The following USP34 variants were observed in gnomAD, a reference collection of about 807,000 sequenced individuals.
USP34 encodes the protein ubiquitin carboxyl-terminal hydrolase 34.
Under a neutral mutation model 460.3 loss-of-function variants are expected in USP34, and 70 were observed. The observed-to-expected ratio is 0.15, with a 90% confidence interval of 0.13 to 0.19. The LOEUF is 0.19. USP34 is among the 10% of genes least tolerant of loss of function. The pLI is 1.00. For missense variants in USP34, 3,985 were observed against 4,236.2 expected (o/e 0.94, Z 1.65); for synonymous variants, 1,647 against 1,405.3 (o/e 1.17, Z -3.85).
intron 5 of USP34, among the ~76,000 whole-genome samples, chr2:61,387,960 T>C (rs9677759): frequency 0.49 from 65,502 of 134,778 alleles, 15,217 homozygotes; most frequent in South Asian, 0.67. Flanking sequence ...CACACACACA[T>C]ATATATATAT....
intron 27 of USP34, among the ~76,000 whole-genome samples, chr2:61,303,854 C>A (rs1295940679): frequency 1.3e-5 from 2 of 151,924 alleles, no homozygotes; most frequent in African/African-American, 4.8e-5. Flanking sequence ...CTCGGCCTCC[C>A]AAAGTGCTGG....
chr2:61,339,717 G>C, intron 16 of USP34, 36 bp from the exon 17 acceptor site: 1 of 1,163,676 alleles, frequency 8.6e-7, no homozygotes, highest in Non-Finnish European at 1.2e-6. Context: ...ACACTATAGA[G>C]AAATGCAGCT....
At chr2:61,291,727 A>AT (rs1689858085) in intron 33 of USP34, among the ~76,000 whole-genome samples, 1 of 152,188 alleles carries the variant, frequency 6.6e-6, no homozygotes, top group Non-Finnish European at 1.5e-5. Context: ...CCACTTAAGT[A>AT]TTGGCAAGGT....
chr2:61,251,249 C>T (rs1428456680), intron 48 of USP34, among the ~76,000 whole-genome samples: 1 of 152,174 alleles, frequency 6.6e-6, no homozygotes, highest in African/African-American at 2.4e-5. Context: ...AACAATTTTA[C>T]TAGTCTTGAT....
intron 36 of USP34, 54 bp downstream of exon 36, chr2:61,283,355 C>G: frequency 3.2e-6 from 5 of 1,562,588 alleles, no homozygotes; most frequent in Non-Finnish European, 4.3e-6. Flanking sequence ...TAAAATATAT[C>G]AATATATTAT....
In USP34 at chr2:61,187,476, C is replaced by A. The variant is rs762005879; in HGVS notation, c.*626G>T. 4.1e-6 allele frequency: 4 copies of A among 984,224 alleles called. No individual in the cohort carries two copies. Among genetic ancestry groups the A allele is most frequent in the Non-Finnish European group, 4.8e-6 (4 of 829,660 alleles). 61.0% of individuals were successfully genotyped at this position (984,224 alleles called of 1,614,324 possible). ...TATGTAAACAAATGAAAAGTCATCA[C>A]AATCAGTTTAATTAAGTGCACAGAA... On this transcript the variant is annotated 3_prime_UTR_variant, in exon 80 of 80. Transcript: ENST00000398571.
chr2:61,374,235 C>A (rs538063277), intron 8 of USP34, among the ~76,000 whole-genome samples: 1 of 151,916 alleles, frequency 6.6e-6, no homozygotes, highest in East Asian at 1.9e-4. Flanking sequence ...AACCCTTATG[C>A]CTAAACAAGT....
intron 74 of USP34, 107 bp downstream of exon 74, chr2:61,204,149 T>A: frequency 7.1e-7 from 1 of 1,412,482 alleles, no homozygotes; most frequent in Admixed American, 2.2e-5. Flanking sequence ...CTTCTTAGGA[T>A]CCACAAAATT....
chr2:61,389,262 G>C (rs1693268406), intron 5 of USP34, among the ~76,000 whole-genome samples: 3 of 152,178 alleles, frequency 2.0e-5, no homozygotes, highest in South Asian at 4.1e-4. Flanking sequence ...TTCTTGGTTT[G>C]AGTGATGGTT....
intron 2 of USP34, among the ~76,000 whole-genome samples, chr2:61,417,744 CTTTTTTTT>C (rs55680146): frequency 1.1e-5 from 1 of 87,942 alleles, no homozygotes; most frequent in South Asian, 3.7e-4. Flanking sequence ...TTTTTCTTTT[CTTTTTTTT>C]TTTTTTTTTA....
chr2:61,190,563 T>TA lies in USP34; in HGVS notation c.9683dup (p.Leu3228PhefsTer24). 6.2e-7 allele frequency: 1 copy of TA among 1,614,102 alleles called. No individual in the cohort carries two copies. On this transcript the variant is annotated frameshift_variant, in exon 77 of 80. Coordinates refer to ENST00000398571, the MANE Select transcript of USP34 (RefSeq NM_014709.4). LOFTEE classifies it high-confidence loss of function. ...TGAACGTGTAGACAATGTTGTTGTTTAAAAAAGTTCTTTCATCCATTAGGA... is the reference window on the plus strand; with the variant it reads ...TGAACGTGTAGACAATGTTGTTGTTTAAAAAAAGTTCTTTCATCCATTAGGA...
At chr2:61,328,706 C>T (rs1228364058) in intron 20 of USP34, among the ~76,000 whole-genome samples, 1 of 152,204 alleles carries the variant, frequency 6.6e-6, no homozygotes, top group Non-Finnish European at 1.5e-5. Context: ...CTTTGCTCAC[C>T]TCTGATTCCA....
intron 2 of USP34, chr2:61,417,415 A>G: frequency 2.2e-6 from 1 of 452,086 alleles, no homozygotes; most frequent in Non-Finnish European, 4.1e-6. Flanking sequence ...TGTGACAGCT[A>G]TATGACTGTT....
At chr2:61,434,048 CAAGCCACTATAAGCTCTCTCCA>C (rs1694747909) in intron 1 of USP34, among the ~76,000 whole-genome samples, 1 of 151,556 alleles carries the variant, frequency 6.6e-6, no homozygotes, top group African/African-American at 2.4e-5. Flanking sequence ...ATAAGCCAAC[CAAGCCACTATAAGCTCTCTCCA>C]AAGTAGTGGA....
chr2:61,276,334 TATAACTTC>T (rs80122984), intron 41 of USP34, among the ~76,000 whole-genome samples: 21,987 of 152,102 alleles, frequency 0.14, 2,108 homozygotes, highest in South Asian at 0.37. Flanking sequence ...CAGTTTTTTC[TATAACTTC>T]ATAAATGTCA....
Position 61,191,591 on chromosome 2 carries a change from T to TGC in USP34, c.9589-935_9589-934dup, listed in dbSNP as rs1686645231. Among the ~76,000 whole-genome samples, 3 of 152,202 alleles carry TGC rather than the reference T, an allele frequency of 2.0e-5. No individual in the cohort carries two copies. The South Asian group carries it at 6.2e-4, about 31-fold the overall frequency. On this transcript the variant is annotated intron_variant, in intron 76 of 79. Coordinates refer to ENST00000398571, the MANE Select transcript of USP34 (RefSeq NM_014709.4). ...GCCTCTGTTTCTTGCTCAGGATGGC[T>TGC]GCTTCTATAGCACTGGAAGCTTTGG... is the stretch of plus-strand genomic sequence containing the variant.
At chr2:61,464,431 G>A (rs150781653) in intron 1 of USP34, among the ~76,000 whole-genome samples, 1 of 152,274 alleles carries the variant, frequency 6.6e-6, no homozygotes, top group African/African-American at 2.4e-5. Context: ...GGTGATCTTG[G>A]CAAACTACTT....
rs3980947 is a variant in USP34, at chr2:61,252,389, T to TAGC, written c.6222-3709_6222-3707dup. ...TCAATTGCTGCTACTACAGTAACAA[T>TAGC]AGCAGCAGCAGCAGCAGCAGCAGCA... On this transcript the variant is annotated intron_variant, in intron 48 of 79. Coordinates refer to ENST00000398571, the MANE Select transcript of USP34 (RefSeq NM_014709.4). Among the ~76,000 whole-genome samples the TAGC allele has an allele frequency of 2.5e-3, 384 of 151,688 alleles. 2 individuals are homozygous for TAGC. Among genetic ancestry groups the TAGC allele is most frequent in the Middle Eastern group, 0.01 (3 of 292 alleles).
chr2:61,325,156 A>AT (rs1691047104), intron 21 of USP34, among the ~76,000 whole-genome samples: 1 of 152,032 alleles, frequency 6.6e-6, no homozygotes, highest in Admixed American at 6.6e-5. Flanking sequence ...AATGTTCACT[A>AT]TTTGAGTAAT....
Sources: allele counts gnomAD v4.1 joint callset (sites outside exome capture counted in the v4.1 genomes callset), GRCh38; gene constraint gnomAD v4.1.1; transcripts MANE v1.5; gene names NCBI Gene and HGNC (gene_info 2026-07-23, HGNC 2026-07-21).